FAF2: variants seen among roughly 807,000 people sequenced by gnomAD.
The protein encoded by FAF2 is Fas associated factor family member 2.
In FAF2, 9 loss-of-function variants were observed where a neutral mutation model predicts 62.3. The ratio of observed to expected loss-of-function variants is 0.14; its 90% CI spans 0.09 to 0.25. FAF2 has a LOEUF of 0.25. Among genes scored for constraint, FAF2 ranks in the 10% least tolerant of loss-of-function variants. FAF2 has a pLI of 1.00. For missense variants in FAF2, 368 were observed against 556.2 expected, an observed-to-expected ratio of 0.66 and a Z score of 3.40; for synonymous variants, 202 against 198.0, an observed-to-expected ratio of 1.02 and a Z score of -0.17.
intron 1 of FAF2, among the ~76,000 whole-genome samples, chr5:176,476,152 C>G (rs145277100): frequency 6.6e-6 from 1 of 151,884 alleles, no homozygotes; most frequent in African/African-American, 2.4e-5. Context: ...TCCAGCTGCT[C>G]GGAGGCTGAG....
intron 3 of FAF2, among the ~76,000 whole-genome samples, chr5:176,488,308 A>G (rs1177643967): frequency 6.6e-6 from 1 of 152,102 alleles, no homozygotes; most frequent in Non-Finnish European, 1.5e-5. Flanking sequence ...TGATGTGTAA[A>G]TCTAAAAAGG....
intron 1 of FAF2, among the ~76,000 whole-genome samples, chr5:176,474,471 T>G (rs1758625651): frequency 1.3e-5 from 2 of 152,222 alleles, no homozygotes; most frequent in Admixed American, 1.3e-4. Flanking sequence ...TTGGTGAGGT[T>G]GTTTCACATA....
chr5:176,474,171 T>C (rs560073304), intron 1 of FAF2, among the ~76,000 whole-genome samples: 1 of 152,296 alleles, frequency 6.6e-6, no homozygotes, highest in South Asian at 2.1e-4. Flanking sequence ...AAGCTAAACA[T>C]GAGTTGATGT....
chr5:176,501,856 CAAT>C, intron 10 of FAF2, among the ~76,000 whole-genome samples: 1 of 152,272 alleles, frequency 6.6e-6, no homozygotes, highest in Non-Finnish European at 1.5e-5. Context: ...TGGGTTCAAG[CAAT>C]TCTCCTGCCT....
At chr5:176,489,298 C>T (rs902565119) in intron 4 of FAF2, among the ~76,000 whole-genome samples, 5 of 148,316 alleles carry the variant, frequency 3.4e-5, no homozygotes, top group Admixed American at 6.7e-5. Flanking sequence ...CCCCTCCCCC[C>T]CCCACCATAT....
chr5:176,455,302 G>T (rs1312629847), intron 1 of FAF2, among the ~76,000 whole-genome samples: 1 of 152,062 alleles, frequency 6.6e-6, no homozygotes, highest in Non-Finnish European at 1.5e-5. Flanking sequence ...TTAGCTGGTC[G>T]TAGTGGCGCA....
At chr5:176,471,171 T>C (rs934761200) in intron 1 of FAF2, among the ~76,000 whole-genome samples, 3 of 152,200 alleles carry the variant, frequency 2.0e-5, no homozygotes, top group African/African-American at 7.2e-5. Flanking sequence ...TGTCATTCTA[T>C]TCTATGCCAT....
At chr5:176,484,784 G>T (rs377123599) in intron 2 of FAF2, among the ~76,000 whole-genome samples, 1 of 151,880 alleles carries the variant, frequency 6.6e-6, no homozygotes, top group Non-Finnish European at 1.5e-5. Flanking sequence ...CCAGCTACTC[G>T]GGAGGCTGAG....
Position 176,494,007 on chromosome 5 carries a change from C to T in FAF2, c.492C>T (p.Asn164=), listed in dbSNP as rs1198995652. ...CCTTCTCTTTCTCACAGGCACTTAA[C>T]GATGCCAAAAGGGAGCTTCGCTTTC... The part of the protein sequence containing the change: ...FYQGTYSQAL[N]DAKRELRFLL... Residue 164 remains asparagine (N), a synonymous_variant, in exon 6 of 11, where the codon AAC becomes AAT. Coordinates refer to ENST00000261942, the MANE Select transcript of FAF2 (RefSeq NM_014613.3). This position sits in a 1 kb window ranked among gnomAD's most constrained non-coding sequence, Gnocchi z 4.0. 5 of 1,613,038 alleles carry T rather than the reference C, an allele frequency of 3.1e-6. No homozygotes were observed. Among genetic ancestry groups the T allele is most frequent in the South Asian group, 1.1e-5 (1 of 90,986 alleles).
chr5:176,488,821 A>G, intron 3 of FAF2, 130 bp from the exon 4 acceptor site: 1 of 684,018 alleles, frequency 1.5e-6, no homozygotes, highest in Non-Finnish European at 2.6e-6. Flanking sequence ...GTGGCCAGGA[A>G]GAAGGAACTG....
chr5:176,478,880 T>G (rs1171637504), intron 1 of FAF2, among the ~76,000 whole-genome samples: 5 of 152,242 alleles, frequency 3.3e-5, no homozygotes, highest in African/African-American at 1.2e-4. Context: ...AATATTTTGC[T>G]TAGCCCACAG....
At chr5:176,495,687 T>G (rs1164990917) in intron 7 of FAF2, among the ~76,000 whole-genome samples, 1 of 152,010 alleles carries the variant, frequency 6.6e-6, no homozygotes, top group East Asian at 1.9e-4. Context: ...AATTTTTGTA[T>G]TTTTTGTAGA....
chr5:176,506,971 C>A lies in FAF2; in HGVS notation c.*21C>A. ...AATGACATTTTTTTCTTCCTGTCCC[C>A]TCCTACCCCAGTCCCTAAAAGAAAT... On this transcript the variant is annotated 3_prime_UTR_variant, in exon 11 of 11. Transcript: ENST00000261942. The A allele has an allele frequency of 7.0e-7, 1 of 1,434,032 alleles. No individual in the cohort carries two copies. The highest frequency in any genetic ancestry group is 9.2e-7 in the Non-Finnish European group (1 of 1,081,388). The allele number at this position is 1,434,032 out of a possible 1,614,324, so 88.8% of individuals were successfully genotyped here.
At position 176,457,902 on chromosome 5, in the gene FAF2, G is replaced by A. The variant is rs183531775; in HGVS notation, c.63+9432G>A. 1.7e-3 allele frequency among the ~76,000 whole-genome samples: 253 copies of A among 152,292 alleles called. 1 individual carries two copies. The highest frequency in any genetic ancestry group is 5.3e-3 in the African/African-American group (222 of 41,562). ...CTTATTGGAGTTAAAGTCACAAAAA[G>A]TCACAGTCCTTAGTTAACCCTCTTG... On this transcript the variant is annotated intron_variant, in intron 1 of 10. Coordinates refer to ENST00000261942, the MANE Select transcript of FAF2 (RefSeq NM_014613.3).
chr5:176,460,513 C>CGTGTGTGT (rs747582699), intron 1 of FAF2, among the ~76,000 whole-genome samples: 2,941 of 132,620 alleles, frequency 0.022, 55 homozygotes, highest in East Asian at 0.043. Context: ...TTTTTGGCCG[C>CGTGTGTGT]GTGTGTGTGT....
intron 1 of FAF2, among the ~76,000 whole-genome samples, chr5:176,468,563 G>A (rs567769263): frequency 4.8e-4 from 73 of 152,262 alleles, no homozygotes; most frequent in African/African-American, 1.7e-3. Flanking sequence ...CAACCTGGGC[G>A]ACAGAGCAAG....
Position 176,492,062 on chromosome 5 carries a change from T to C in FAF2, c.345-132T>C, listed in dbSNP as rs1561826017. ...CAGACTCTACTCTCGGATTTGATGG[T>C]CCACTCACAGACTGTTCACCTCCCT... On this transcript the variant is annotated intron_variant, in intron 4 of 10. Transcript: ENST00000261942. 6.3e-6 allele frequency: 6 copies of C among 945,704 alleles called. No individual in the cohort carries two copies. In the East Asian group the frequency reaches 1.2e-4, roughly 19 times the overall value. The allele number at this position is 945,704 out of a possible 1,614,324, so 58.6% of individuals were successfully genotyped here.
At chr5:176,500,238 C>A (rs1329156796) in intron 10 of FAF2, 92 bp downstream of exon 10, 3 of 1,226,986 alleles carry the variant, frequency 2.4e-6, no homozygotes, top group South Asian at 1.4e-5. Flanking sequence ...GTTGGTGTAT[C>A]TGCTGCTCTG....
At position 176,451,831 on chromosome 5, in the gene FAF2, T is replaced by TATATATATAC. The variant is rs1561813465; in HGVS notation, c.63+3370_63+3371insCATATATATA. On this transcript the variant is annotated intron_variant, in intron 1 of 10. Coordinates refer to ENST00000261942, the MANE Select transcript of FAF2 (RefSeq NM_014613.3). ...ATATACACACATATATATATATACA[T>TATATATATAC]ATATATATATACACACATATATATA... Among the ~76,000 whole-genome samples the TATATATATAC allele has an allele frequency of 9.3e-3, 241 of 25,944 alleles. 51 individuals are homozygous for TATATATATAC. The highest frequency in any genetic ancestry group is 0.025 in the African/African-American group (150 of 6,088). The allele number at this position is 25,944 out of a possible 152,430, so 17.0% of individuals were successfully genotyped here. A position where few individuals can be genotyped will look rare whatever the true frequency, so the allele number is the denominator to read the frequency against.
Sources: gnomAD v4.1 joint callset for allele counts (sites outside exome capture counted in the v4.1 genomes callset) on GRCh38, gnomAD v4.1.1 for gene constraint, Gnocchi (gnomAD v3.1) non-coding constraint, MANE v1.5 for transcripts, NCBI Gene and HGNC (gene_info 2026-07-23, HGNC 2026-07-21) for gene names.